Variants in ZBTB7C observed in about 807,000 individuals in gnomAD.
ZBTB7C encodes zinc finger and BTB domain-containing protein 7C.
Under a neutral mutation model 25.7 loss-of-function variants are expected in ZBTB7C, and 8 were observed. The observed-to-expected ratio is 0.31, with a 90% CI of 0.18 to 0.56. The LOEUF (loss-of-function observed/expected upper bound fraction) is 0.56. Among genes scored for constraint, ZBTB7C ranks in the 20% least tolerant of loss-of-function variants. The pLI, the probability that ZBTB7C is intolerant of heterozygous loss-of-function variation, is 0.91. For synonymous variants in ZBTB7C, 394 were observed against 369.0 expected (o/e 1.07, Z -0.78); for missense variants, 824 against 855.2 (o/e 0.96, Z 0.46).
intron 2 of ZBTB7C, among the ~76,000 whole-genome samples, chr18:48,265,150 G>A (rs974456611): frequency 2.6e-5 from 4 of 152,160 alleles, no homozygotes; most frequent in African/African-American, 9.7e-5. Flanking sequence ...CAAGAATCCT[G>A]TTAGGTTTGT....
intron 2 of ZBTB7C, among the ~76,000 whole-genome samples, chr18:48,305,388 A>AC (rs1361810166): frequency 3.3e-5 from 5 of 152,280 alleles, no homozygotes; most frequent in African/African-American, 1.2e-4. Flanking sequence ...CTGCTCAGGG[A>AC]CCTGGAGTTG....
intron 3 of ZBTB7C, among the ~76,000 whole-genome samples, chr18:48,047,606 T>C (rs1326623073): frequency 3.3e-5 from 5 of 152,176 alleles, no homozygotes; most frequent in Non-Finnish European, 7.4e-5. Context: ...TGGAAGGTTC[T>C]AGAACCCGGG....
intron 3 of ZBTB7C, among the ~76,000 whole-genome samples, chr18:48,078,344 G>A (rs2037852990): frequency 6.6e-6 from 1 of 151,072 alleles, no homozygotes; most frequent in Non-Finnish European, 1.5e-5. Flanking sequence ...GCACAAAGGT[G>A]GGAAAGTGTG....
chr18:48,138,179 G>A, intron 3 of ZBTB7C, among the ~76,000 whole-genome samples: 1 of 152,260 alleles, frequency 6.6e-6, no homozygotes, highest in Non-Finnish European at 1.5e-5. Flanking sequence ...TTCTCCGGCA[G>A]GCCATGAGCC....
At chr18:48,295,839 T>C (rs1014414678) in intron 2 of ZBTB7C, among the ~76,000 whole-genome samples, 2 of 152,098 alleles carry the variant, frequency 1.3e-5, no homozygotes, top group Non-Finnish European at 1.5e-5. Flanking sequence ...AGGGGGGCAG[T>C]CGCAGGCGAG....
chr18:48,071,297 G>A (rs934622512), intron 3 of ZBTB7C, among the ~76,000 whole-genome samples: 1 of 152,176 alleles, frequency 6.6e-6, no homozygotes, highest in African/African-American at 2.4e-5. Context: ...GAGTAAAGAA[G>A]CATGAATGAC....
At chr18:48,107,604 T>A (rs564624339) in intron 3 of ZBTB7C, among the ~76,000 whole-genome samples, 84 of 152,190 alleles carry the variant, frequency 5.5e-4, no homozygotes, top group African/African-American at 1.9e-3. Context: ...AAGGCTTGGA[T>A]GGAGGCCAGA....
At position 48,029,087 on chromosome 18, in the gene ZBTB7C, A is replaced by C; in HGVS notation, c.*173T>G. On this transcript the variant is annotated 3_prime_UTR_variant, in exon 5 of 5. Coordinates refer to ENST00000590800, the MANE Select transcript of ZBTB7C (RefSeq NM_001318841.2). ...ATGCCCGTCTCAGACCAGCAAAAGG[A>C]GGCAGCTGCTTTAGGAGCCCGGGAA... The C allele has an allele frequency of 7.6e-6, 7 of 916,214 alleles. No homozygotes were observed. Among genetic ancestry groups the C allele is most frequent in the Non-Finnish European group, 9.2e-6 (6 of 654,678 alleles). The allele number at this position is 916,214 out of a possible 1,614,324, so 56.8% of individuals were successfully genotyped here. A position where few individuals can be genotyped will look rare whatever the true frequency, so the allele number is the denominator to read the frequency against.
At chr18:48,251,504 T>C (rs902236618) in intron 2 of ZBTB7C, among the ~76,000 whole-genome samples, 1 of 151,958 alleles carries the variant, frequency 6.6e-6, no homozygotes, top group African/African-American at 2.4e-5. Flanking sequence ...GCCCAGAAAA[T>C]CAAGCTGCAG....
chr18:48,283,079 T>C (rs1396116585), intron 2 of ZBTB7C, among the ~76,000 whole-genome samples: 2 of 152,182 alleles, frequency 1.3e-5, no homozygotes, highest in Admixed American at 6.5e-5. Context: ...CTTTCTTACA[T>C]TGGGGAATGC....
At chr18:48,258,341 A>G (rs1379437540) in intron 2 of ZBTB7C, among the ~76,000 whole-genome samples, 2 of 152,150 alleles carry the variant, frequency 1.3e-5, no homozygotes, top group Admixed American at 6.5e-5. Flanking sequence ...AATCCCCAAA[A>G]AGCTACTAGA....
intron 1 of ZBTB7C, among the ~76,000 whole-genome samples, chr18:48,370,954 C>T (rs919024730): frequency 1.3e-5 from 2 of 152,084 alleles, no homozygotes; most frequent in South Asian, 4.1e-4. Flanking sequence ...CCAGAACCCA[C>T]AAAGGAGAGA....
At chr18:48,249,654 C>A (rs1409935903) in intron 2 of ZBTB7C, among the ~76,000 whole-genome samples, 1 of 152,142 alleles carries the variant, frequency 6.6e-6, no homozygotes, top group African/African-American at 2.4e-5. Flanking sequence ...TTTAAATTTT[C>A]ACACAGAAGC....
intron 3 of ZBTB7C, among the ~76,000 whole-genome samples, chr18:48,084,058 C>T (rs1272054459): frequency 1.3e-5 from 2 of 152,218 alleles, no homozygotes; most frequent in Non-Finnish European, 2.9e-5. Flanking sequence ...CATGAGGCCT[C>T]CTCTGCACCC....
intron 1 of ZBTB7C, among the ~76,000 whole-genome samples, chr18:48,359,250 T>C (rs889045917): frequency 2.0e-5 from 3 of 151,670 alleles, no homozygotes; most frequent in African/African-American, 7.3e-5. Context: ...CCTTCCTCCA[T>C]CCCCCATGAG....
intron 2 of ZBTB7C, among the ~76,000 whole-genome samples, chr18:48,200,718 CT>C (rs2042422501): frequency 6.6e-6 from 1 of 152,250 alleles, no homozygotes; most frequent in South Asian, 2.1e-4. Context: ...GCAGGGCAGG[CT>C]GGCCATCAGC....
At chr18:48,327,895 T>C (rs1038222518) in intron 2 of ZBTB7C, among the ~76,000 whole-genome samples, 11 of 152,014 alleles carry the variant, frequency 7.2e-5, no homozygotes, top group African/African-American at 2.7e-4. Context: ...TACGGCCATA[T>C]ATATAAACAG....
chr18:48,258,799 C>T (rs1354362166), intron 2 of ZBTB7C, among the ~76,000 whole-genome samples: 2 of 133,756 alleles, frequency 1.5e-5, no homozygotes, highest in African/African-American at 3.2e-5. Flanking sequence ...ACTGGGATTA[C>T]AGGCGCACAC....
chr18:48,129,762 C>T (rs1053242661), intron 3 of ZBTB7C, among the ~76,000 whole-genome samples: 2 of 152,084 alleles, frequency 1.3e-5, no homozygotes, highest in Admixed American at 1.3e-4. Context: ...CTTGGTCCCT[C>T]CTCCACCCCA....
Sources: allele counts gnomAD v4.1 joint callset (sites outside exome capture counted in the v4.1 genomes callset), GRCh38; gene constraint gnomAD v4.1.1; transcripts MANE v1.5; gene names NCBI Gene and HGNC (gene_info 2026-07-23, HGNC 2026-07-21).